GABRG3: variants seen among roughly 807,000 people sequenced by gnomAD.
GABRG3 encodes the protein gamma-aminobutyric acid type A receptor subunit gamma3, also known as gamma-aminobutyric acid receptor subunit gamma-3.
A neutral mutation model predicts 48.8 loss-of-function variants in GABRG3; 25 were observed. The ratio of observed to expected loss-of-function variants is 0.51; its 90% CI spans 0.37 to 0.72. The LOEUF (loss-of-function observed/expected upper bound fraction) is 0.72, where lower values mean the gene tolerates loss of function less well. Ranked by LOEUF, GABRG3 falls within the 30% of genes least tolerant of loss-of-function variation. The pLI, the probability that GABRG3 is intolerant of heterozygous loss-of-function variation, is 0.00. For synonymous variants in GABRG3, 227 were observed against 217.6 expected, an observed-to-expected ratio of 1.04 and a Z score of -0.38; for missense variants, 394 against 577.9, an observed-to-expected ratio of 0.68 and a Z score of 3.26.
At chr15:27,171,487 G>T (rs887910862) in intron 3 of GABRG3, among the ~76,000 whole-genome samples, 17 of 141,048 alleles carry the variant, frequency 1.2e-4, no homozygotes, top group Non-Finnish European at 2.0e-4. Flanking sequence ...TCCCCAAATT[G>T]TGTGTGTGTG....
At chr15:27,444,814 A>G (rs909958791) in intron 5 of GABRG3, among the ~76,000 whole-genome samples, 4 of 152,154 alleles carry the variant, frequency 2.6e-5, no homozygotes, top group Admixed American at 6.5e-5. Context: ...TTGCTCATTC[A>G]TCAATTGATG....
chr15:27,301,174 C>T (rs923454161), intron 3 of GABRG3, among the ~76,000 whole-genome samples: 3 of 151,986 alleles, frequency 2.0e-5, no homozygotes, highest in African/African-American at 7.3e-5. Context: ...TTCTTGTCAT[C>T]GAAGAAGGAT....
chr15:27,278,024 G>C (rs934014829), intron 3 of GABRG3, among the ~76,000 whole-genome samples: 1 of 151,596 alleles, frequency 6.6e-6, no homozygotes, highest in African/African-American at 2.4e-5. Context: ...TTATACACAC[G>C]CATCTGTGTG....
intron 3 of GABRG3, among the ~76,000 whole-genome samples, chr15:27,246,189 T>C (rs1473217300): frequency 6.6e-6 from 1 of 152,162 alleles, no homozygotes; most frequent in Non-Finnish European, 1.5e-5. Flanking sequence ...ATCCAAACCA[T>C]ATTCGATCTC....
chr15:27,095,691 G>C (rs4556760), intron 3 of GABRG3, among the ~76,000 whole-genome samples: 3,768 of 152,168 alleles, frequency 0.025, 81 homozygotes, highest in Middle Eastern at 0.048. Context: ...CTAAACTTAG[G>C]TTTTTCTCTT....
intron 3 of GABRG3, among the ~76,000 whole-genome samples, chr15:27,202,797 C>T (rs1182583156): frequency 1.3e-5 from 2 of 152,078 alleles, no homozygotes; most frequent in Non-Finnish European, 2.9e-5. Flanking sequence ...CTATTATGAA[C>T]ATTTACTCTT....
intron 3 of GABRG3, among the ~76,000 whole-genome samples, chr15:27,090,027 T>TGAACACC (rs1897158154): frequency 6.6e-6 from 1 of 152,256 alleles, no homozygotes; most frequent in Non-Finnish European, 1.5e-5. Context: ...AAGTTTTTGT[T>TGAACACC]TGAACACCTG....
intron 3 of GABRG3, among the ~76,000 whole-genome samples, chr15:27,075,905 A>C (rs1226542897): frequency 6.6e-6 from 1 of 152,116 alleles, no homozygotes; most frequent in Non-Finnish European, 1.5e-5. Flanking sequence ...TCCAGATGCT[A>C]TGTGTCTGTT....
At chr15:27,186,465 A>G (rs2140419619) in intron 3 of GABRG3, among the ~76,000 whole-genome samples, 1 of 152,316 alleles carries the variant, frequency 6.6e-6, no homozygotes, top group East Asian at 1.9e-4. Flanking sequence ...TAGTGCTGTG[A>G]TAAACATGTG....
In GABRG3 at chr15:27,472,780, C is replaced by T. The variant is rs192483134; in HGVS notation, c.575-7870C>T. Among the ~76,000 whole-genome samples the T allele has an allele frequency of 1.4e-4, 21 of 152,140 alleles. No homozygotes were observed. In the East Asian group the frequency reaches 3.9e-3, roughly 28 times the overall value. On this transcript the variant is annotated intron_variant, in intron 5 of 9. Coordinates refer to ENST00000615808, the MANE Select transcript of GABRG3 (RefSeq NM_033223.5). ...TTATTGGATCTTAGGAACATATGTA[C>T]TCTCTCTCTGTCTCTACATATATAC...
intron 3 of GABRG3, among the ~76,000 whole-genome samples, chr15:27,206,192 C>G (rs1322369198): frequency 6.6e-6 from 1 of 152,120 alleles, no homozygotes; most frequent in Non-Finnish European, 1.5e-5. Flanking sequence ...GCACATTTAG[C>G]ACTATAAACT....
intron 5 of GABRG3, chr15:27,365,432 C>G (rs2140550571): frequency 6.6e-6 from 1 of 152,198 alleles, no homozygotes; most frequent in Admixed American, 6.5e-5. Flanking sequence ...TTTAAATGTC[C>G]TTTAATCTGG....
chr15:27,239,907 T>C (rs1350693409), intron 3 of GABRG3, among the ~76,000 whole-genome samples: 2 of 152,210 alleles, frequency 1.3e-5, no homozygotes, highest in Non-Finnish European at 2.9e-5. Flanking sequence ...TACTAATTTA[T>C]ATGCTTGGAC....
At chr15:27,138,893 G>GT (rs951392843) in intron 3 of GABRG3, among the ~76,000 whole-genome samples, 20 of 152,080 alleles carry the variant, frequency 1.3e-4, no homozygotes, top group Non-Finnish European at 2.8e-4. Flanking sequence ...GGATAGAAAT[G>GT]TTTTTTTCTC....
chr15:27,476,276 GACACAGAAA>G (rs1358997533), intron 5 of GABRG3, among the ~76,000 whole-genome samples: 1 of 152,044 alleles, frequency 6.6e-6, no homozygotes, highest in Non-Finnish European at 1.5e-5. Context: ...AATCTTAAAA[GACACAGAAA>G]AGCATGCCAC....
At chr15:27,255,064 TG>T (rs1248210114) in intron 3 of GABRG3, among the ~76,000 whole-genome samples, 3 of 152,176 alleles carry the variant, frequency 2.0e-5, no homozygotes, top group African/African-American at 7.2e-5. Context: ...GCCCAGCCCC[TG>T]CAAAGATCCT....
intron 3 of GABRG3, among the ~76,000 whole-genome samples, chr15:27,134,420 T>C (rs1246074300): frequency 6.6e-6 from 1 of 152,090 alleles, no homozygotes; most frequent in Non-Finnish European, 1.5e-5. Context: ...ACCTCCCTTT[T>C]TTAGAAACAC....
chr15:27,527,747 T>C lies in GABRG3; in HGVS notation c.1062+118T>C, dbSNP rs1891315157. ...TACAAAGCATGATACAAATACCCAG[T>C]TCAACAAGACTTTTCAAAACCAGAC... On this transcript the variant is annotated intron_variant, in intron 8 of 9. Transcript: ENST00000615808. The C allele has an allele frequency of 3.7e-6, 4 of 1,077,866 alleles. No homozygotes were observed. The East Asian group carries it at 1.0e-4, about 28-fold the overall frequency. The allele number at this position is 1,077,866 out of a possible 1,614,324, so 66.8% of individuals were successfully genotyped here.
chr15:27,131,206 A>G (rs1897910505), intron 3 of GABRG3, among the ~76,000 whole-genome samples: 1 of 152,046 alleles, frequency 6.6e-6, no homozygotes, highest in African/African-American at 2.4e-5. Context: ...TGCATTCGTT[A>G]TCTTCTGTTC....
Sources: allele counts gnomAD v4.1 joint callset (sites outside exome capture counted in the v4.1 genomes callset), GRCh38; gene constraint gnomAD v4.1.1; transcripts MANE v1.5; gene names NCBI Gene and HGNC (gene_info 2026-07-23, HGNC 2026-07-21).